The following NECAB2 variants were observed in gnomAD, a reference collection of about 807,000 sequenced individuals.
NECAB2 encodes the protein N-terminal EF-hand calcium binding protein 2, also known as N-terminal EF-hand calcium-binding protein 2.
A neutral mutation model predicts 51.9 loss-of-function variants in NECAB2; 68 were observed. That is an observed-to-expected ratio of 1.31 (90% CI 1.08 to 1.60). The LOEUF (loss-of-function observed/expected upper bound fraction) is 1.60, where lower values mean the gene tolerates loss of function less well. NECAB2 is among the 40% of genes most tolerant of loss of function. NECAB2 has a pLI of 0.00. For missense variants in NECAB2, 854 were observed against 490.3 expected (o/e 1.74, Z -7.00); for synonymous variants, 329 against 203.5 (o/e 1.62, Z -5.25).
At chr16:83,992,239 G>C (rs549669281) in intron 6 of NECAB2, among the ~76,000 whole-genome samples, 15 of 151,992 alleles carry the variant, frequency 9.9e-5, no homozygotes, top group African/African-American at 3.1e-4. Context: ...CCTTGTTTGT[G>C]TGCTTGGAAC....
Position 83,968,654 on chromosome 16 carries a change from C to G in NECAB2, c.6C>G (p.Cys2Trp). ...GCGGCGGCGGGCGCGGCGCGATGTGCGAGCGGGCGGCGCGCCTGTGCAGGG... is the reference window on the plus strand; with the variant it reads ...GCGGCGGCGGGCGCGGCGCGATGTGGGAGCGGGCGGCGCGCCTGTGCAGGG... MCERAARLCRAG... is the reference protein window; with the variant it reads MWERAARLCRAG... Residue 2 changes from cysteine (C) to tryptophan (W), a missense_variant, in exon 1 of 13, where the codon TGC (cysteine) becomes TGG (tryptophan). Coordinates refer to ENST00000305202, the MANE Select transcript of NECAB2 (RefSeq NM_019065.3). 1.0e-6 allele frequency: 1 copy of G among 980,768 alleles called. No homozygotes were observed. The highest frequency in any genetic ancestry group is 1.2e-6 in the Non-Finnish European group (1 of 828,530). 60.8% of individuals were successfully genotyped at this position (980,768 alleles called of 1,614,324 possible).
chr16:83,995,893 A>AC (rs1408490354), intron 8 of NECAB2, among the ~76,000 whole-genome samples: 1 of 151,924 alleles, frequency 6.6e-6, no homozygotes, highest in African/African-American at 2.4e-5. Context: ...GGTTGTCATA[A>AC]CAACTCAGCG....
chr16:83,975,450 G>A (rs942158511), intron 2 of NECAB2, among the ~76,000 whole-genome samples: 8 of 152,130 alleles, frequency 5.3e-5, no homozygotes, highest in East Asian at 1.9e-4. Context: ...CCTGCCTCAC[G>A]TGTCCACAGG....
At chr16:84,000,602 G>GGA in intron 10 of NECAB2, 122 bp from the exon 11 acceptor site, 1 of 719,136 alleles carries the variant, frequency 1.4e-6, no homozygotes, top group South Asian at 1.7e-5. Flanking sequence ...GGTCAAGACA[G>GGA]GAAGAAACAT....
rs2084857038 is a variant in NECAB2 at position 84,002,427 on chromosome 16, T to C, written c.*81T>C. The C allele has an allele frequency of 4.6e-6, 7 of 1,517,466 alleles. No individual in the cohort carries two copies. The highest frequency in any genetic ancestry group is 1.7e-4 in the Middle Eastern group (1 of 5,896). The allele number at this position is 1,517,466 out of a possible 1,614,324, so 94.0% of individuals were successfully genotyped here. On this transcript the variant is annotated 3_prime_UTR_variant, in exon 13 of 13. Transcript: ENST00000305202. ...ATCCCGTTTTTTTCTAGACAGACAC[T>C]TTGGTGCAGAAGCTTCTTTTCAATC...
chr16:83,996,355 A>C (rs910560648), intron 8 of NECAB2, among the ~76,000 whole-genome samples: 4 of 152,220 alleles, frequency 2.6e-5, no homozygotes, highest in African/African-American at 9.7e-5. Context: ...CAGCTACTAC[A>C]GAGCCCAGTG....
At chr16:84,001,438 G>C (rs544725470) in intron 11 of NECAB2, among the ~76,000 whole-genome samples, 3 of 152,226 alleles carry the variant, frequency 2.0e-5, no homozygotes, top group East Asian at 3.9e-4. Flanking sequence ...CATGAGAAGT[G>C]AGAGTGTCCC....
At chr16:83,971,956 G>A (rs2084352382) in intron 1 of NECAB2, 195 bp from the exon 2 acceptor site, 2 of 683,408 alleles carry the variant, frequency 2.9e-6, no homozygotes, top group Admixed American at 2.8e-5. Flanking sequence ...TGAGGGGAGG[G>A]CCTCTGTCTG....
chr16:83,984,400 C>T lies in NECAB2; in HGVS notation c.459+3273C>T, dbSNP rs80131862. On this transcript the variant is annotated intron_variant, in intron 5 of 12. Transcript: ENST00000305202. ...AAAATCTAAAACATTGTTTGACACA[C>T]GCAGGCACTTAATGCACATTAAGTT... is the stretch of plus-strand genomic sequence containing the variant. Among the ~76,000 whole-genome samples the T allele has an allele frequency of 4.4e-3, 667 of 152,056 alleles. 13 individuals carry two copies. In the East Asian group the frequency reaches 0.057, roughly 13 times the overall value.
chr16:83,994,797 C>T, intron 8 of NECAB2, 109 bp downstream of exon 8: 2 of 1,263,242 alleles, frequency 1.6e-6, no homozygotes, highest in African/African-American at 1.5e-5. Context: ...GCCAGGGAAC[C>T]ATGAAAAAGA....
chr16:83,977,820 A>G (rs2084432816), intron 2 of NECAB2, among the ~76,000 whole-genome samples: 1 of 152,170 alleles, frequency 6.6e-6, no homozygotes, highest in Non-Finnish European at 1.5e-5. Flanking sequence ...GGCGGAGAAG[A>G]AAGGGTTCTT....
chr16:83,965,681 A>C (rs545551348), upstream of NECAB2: 4 of 1,613,504 alleles, frequency 2.5e-6, no homozygotes, highest in Middle Eastern at 3.3e-4. Flanking sequence ...GCTGTGCTTC[A>C]AGGAAGACTG....
chr16:83,976,131 G>A (rs2084406901), intron 2 of NECAB2, among the ~76,000 whole-genome samples: 1 of 152,162 alleles, frequency 6.6e-6, no homozygotes, highest in East Asian at 1.9e-4. Flanking sequence ...CCAGAGGGAG[G>A]CTGGGATTGG....
At chr16:83,974,991 C>T (rs551455984) in intron 2 of NECAB2, among the ~76,000 whole-genome samples, 11 of 116,990 alleles carry the variant, frequency 9.4e-5, no homozygotes, top group African/African-American at 3.3e-4. Flanking sequence ...GGTGTGGGTG[C>T]GGGAATGTGA....
At chr16:83,996,510 T>C (rs1162271798) in intron 8 of NECAB2, among the ~76,000 whole-genome samples, 3 of 152,144 alleles carry the variant, frequency 2.0e-5, no homozygotes, top group African/African-American at 4.8e-5. Flanking sequence ...AGATGGTCTG[T>C]CCTCATGGAG....
In NECAB2 at chr16:83,999,424, C is replaced by T. The variant is rs1259843070; in HGVS notation, c.962+1107C>T. ...AGAGGAGGCACGGTGGACGTAGAGG[C>T]TCTGGTTTGTCGAGTTGGAGACGGC... On this transcript the variant is annotated intron_variant, in intron 10 of 12. Transcript: ENST00000305202. 2.6e-5 allele frequency among the ~76,000 whole-genome samples: 4 copies of T among 152,140 alleles called. No individual in the cohort carries two copies. The East Asian group carries it at 7.7e-4, about 29-fold the overall frequency.
At chr16:83,974,645 C>T (rs151002744) in intron 2 of NECAB2, among the ~76,000 whole-genome samples, 17 of 152,266 alleles carry the variant, frequency 1.1e-4, no homozygotes, top group African/African-American at 3.6e-4. Flanking sequence ...AAACAAGGCT[C>T]GGAGATGGCA....
At chr16:83,987,461 A>G (rs75625509) in intron 5 of NECAB2, among the ~76,000 whole-genome samples, 2,570 of 152,296 alleles carry the variant, frequency 0.017, 84 homozygotes, top group African/African-American at 0.059. Context: ...GATATGCAAA[A>G]TTTAGGGAGT....
chr16:84,001,964 A>C (rs775081846), intron 12 of NECAB2, 48 bp downstream of exon 12: 2 of 1,585,434 alleles, frequency 1.3e-6, no homozygotes. Flanking sequence ...ACTGGAGAGA[A>C]GGGCAAGAGC....
Sources: allele counts gnomAD v4.1 joint callset (sites outside exome capture counted in the v4.1 genomes callset), GRCh38; gene constraint gnomAD v4.1.1; transcripts MANE v1.5; gene names NCBI Gene and HGNC (gene_info 2026-07-23, HGNC 2026-07-21).